FN1: variants seen among roughly 807,000 people sequenced by gnomAD.
The protein encoded by FN1 is fibronectin 1.
Under a neutral mutation model 297.3 loss-of-function variants are expected in FN1, and 106 were observed. The ratio of observed to expected loss-of-function variants is 0.36; its 90% CI spans 0.30 to 0.42. The LOEUF is 0.42. Among genes scored for constraint, FN1 ranks in the 10% least tolerant of loss-of-function variants. The pLI, the probability that FN1 is intolerant of heterozygous loss-of-function variation, is 1.00. For synonymous variants in FN1, 1,149 were observed against 1,152.6 expected, an observed-to-expected ratio of 1.00 and a Z score of 0.06; for missense variants, 2,690 against 3,124.9, an observed-to-expected ratio of 0.86 and a Z score of 3.32.
chr2:215,413,268 G>GC (rs1426566175), intron 13 of FN1, among the ~76,000 whole-genome samples: 13 of 152,056 alleles, frequency 8.5e-5, no homozygotes, highest in Non-Finnish European at 1.9e-4. Context: ...ACAGGCGTGC[G>GC]CCCCCAAGCC....
At chr2:215,394,134 T>C (rs2060029175) in intron 24 of FN1, among the ~76,000 whole-genome samples, 2 of 152,208 alleles carry the variant, frequency 1.3e-5, no homozygotes, top group South Asian at 2.1e-4. Flanking sequence ...CTGTTGGAAA[T>C]TGATATGGAT....
chr2:215,397,060 A>G, intron 23 of FN1, 77 bp downstream of exon 23: 1 of 957,906 alleles, frequency 1.0e-6, no homozygotes, highest in Non-Finnish European at 1.7e-6. Context: ...TCTTTCTCTG[A>G]AAGAAACACA....
chr2:215,361,362 T>C lies in FN1; in HGVS notation c.*193A>G. 2 of 646,094 alleles carry C rather than the reference T, an allele frequency of 3.1e-6. No homozygotes were observed. 40.0% of individuals were successfully genotyped at this position (646,094 alleles called of 1,614,324 possible). A position where few individuals can be genotyped will look rare whatever the true frequency, so the allele number is the denominator to read the frequency against. On this transcript the variant is annotated 3_prime_UTR_variant, in exon 46 of 46. Coordinates refer to ENST00000354785, the MANE Select transcript of FN1 (RefSeq NM_212482.4). ...ACAGGCAATGTGCAGCCCTCATTTA[T>C]GAGAAAACCCTCAGGAAACTCCCAG...
chr2:215,382,516 T>C (rs2058353912), intron 31 of FN1, among the ~76,000 whole-genome samples, 191 bp from the exon 32 acceptor site: 1 of 152,176 alleles, frequency 6.6e-6, no homozygotes, highest in Non-Finnish European at 1.5e-5. Context: ...CAAATTACCA[T>C]ATGGGAGTGA....
chr2:215,420,146 C>A (rs920208404), intron 11 of FN1, among the ~76,000 whole-genome samples: 1 of 152,108 alleles, frequency 6.6e-6, no homozygotes, highest in Non-Finnish European at 1.5e-5. Context: ...TTGAGACCAG[C>A]CTGACCCACA....
intron 42 of FN1, 103 bp from the exon 43 acceptor site, chr2:215,365,733 T>A: frequency 9.8e-7 from 1 of 1,016,734 alleles, no homozygotes; most frequent in Admixed American, 2.0e-5. Context: ...AGAACCATGA[T>A]CTGGAAAAAT....
intron 34 of FN1, 70 bp from the exon 35 acceptor site, chr2:215,378,332 A>T: frequency 1.2e-6 from 1 of 805,028 alleles, no homozygotes; most frequent in Non-Finnish European, 2.2e-6. Context: ...TCACTACAGC[A>T]TTAGGTAAAT....
rs1385094548 is a variant in FN1 at position 215,407,189 on chromosome 2, T to C, written c.2651A>G (p.Glu884Gly). ...VQYNITIYAV[E>G]ENQESTPVVI... ...AACAGGTGTACTTTCTTGATTTTCT[T>C]CCACAGCATAGATAGTGATGTTATA... is the stretch of plus-strand genomic sequence containing the variant. The change falls in exon 18 of 46, where the codon GAA becomes GGA. Residue 884 changes from glutamate (E) to glycine (G), a missense_variant. Glu to Gly is a moderately conservative substitution (Grantham distance 98, BLOSUM62 -2). Around this residue, in one of 3 missense-constraint regions of FN1, gnomAD observed 71 missense variants for 121.7 expected, o/e 0.58. Coordinates refer to ENST00000354785, the MANE Select transcript of FN1 (RefSeq NM_212482.4). 1 of 1,614,114 alleles carries C rather than the reference T, an allele frequency of 6.2e-7. No homozygotes were observed. The highest frequency in any genetic ancestry group is 8.5e-7 in the Non-Finnish European group (1 of 1,179,956).
At chr2:215,364,676 G>A in intron 44 of FN1, 1 of 609,352 alleles carries the variant, frequency 1.6e-6, no homozygotes, top group African/African-American at 1.8e-5. Flanking sequence ...TTTCTACTAA[G>A]AGTAATAGAA....
intron 13 of FN1, among the ~76,000 whole-genome samples, chr2:215,412,743 A>C (rs2062836039): frequency 7.3e-6 from 1 of 136,744 alleles, no homozygotes; most frequent in Non-Finnish European, 1.6e-5. Context: ...TGTAATTTAA[A>C]GTATTATATT....
At chr2:215,413,262 G>A (rs28464508) in intron 13 of FN1, among the ~76,000 whole-genome samples, 27 of 152,132 alleles carry the variant, frequency 1.8e-4, no homozygotes, top group African/African-American at 6.5e-4. Flanking sequence ...GGGACTACAG[G>A]CGTGCGCCCC....
rs892164629 is a variant in FN1 at position 215,435,586 on chromosome 2, C to A, written c.148+69G>T. ...CACACGCGCGCGCACAAAACTTCAG[C>A]CCCAACTTTGGTCGGCTTTAGGGTC... is the stretch of plus-strand genomic sequence containing the variant. On this transcript the variant is annotated intron_variant, in intron 1 of 45. Coordinates refer to ENST00000354785, the MANE Select transcript of FN1 (RefSeq NM_212482.4). 1.9e-6 allele frequency: 3 copies of A among 1,602,438 alleles called. No homozygotes were observed. In the African/African-American group the frequency reaches 4.0e-5, roughly 21 times the overall value.
chr2:215,386,712 A>G lies in FN1; in HGVS notation c.4589T>C (p.Leu1530Ser), dbSNP rs773249890. 6.2e-7 allele frequency: 1 copy of G among 1,613,740 alleles called. No homozygotes were observed. The highest frequency in any genetic ancestry group is 1.3e-5 in the African/African-American group (1 of 74,878). Residue 1530 changes from leucine to serine, a missense_variant, in exon 28 of 46, where the codon TTA becomes TCA. Around this residue, in one of 3 missense-constraint regions of FN1, gnomAD observed 1,743 missense variants for 1,945.2 expected, o/e 0.90. Transcript: ENST00000354785. ...VALNGREESPLLIGQQSTVSD... is the reference protein window; with the variant it reads ...VALNGREESPSLIGQQSTVSD... Reference sequence around the variant, plus strand: ...ACCTGTTGATTGTTGGCCAATCAATAAGGGACTTTCCTCTCTGCCATTAAG... The same window carrying G: ...ACCTGTTGATTGTTGGCCAATCAATGAGGGACTTTCCTCTCTGCCATTAAG...
At chr2:215,402,660 C>T (rs1433960033) in intron 20 of FN1, among the ~76,000 whole-genome samples, 1 of 152,144 alleles carries the variant, frequency 6.6e-6, no homozygotes, top group African/African-American at 2.4e-5. Context: ...ATATAAGCTT[C>T]ATTTAGCTGT....
At position 215,372,275 on chromosome 2, in the gene FN1, G is replaced by A; in HGVS notation, c.6348C>T (p.His2116=). The A allele has an allele frequency of 6.2e-7, 1 of 1,614,152 alleles. No homozygotes were observed. The highest frequency in any genetic ancestry group is 8.5e-7 in the Non-Finnish European group (1 of 1,179,976). The part of the protein sequence containing the change: ...STVQKTPFVT[H]PGYDTGNGIQ... ...TACCATTTCCAGTGTCATACCCAGGGTGGGTGACGAAAGGGGTCTTTTGAA... is the reference window on the plus strand; with the variant it reads ...TACCATTTCCAGTGTCATACCCAGGATGGGTGACGAAAGGGGTCTTTTGAA... The change falls in exon 40 of 46, where the codon CAC becomes CAT. Residue 2116 remains histidine, a synonymous_variant. Coordinates refer to ENST00000354785, the MANE Select transcript of FN1 (RefSeq NM_212482.4).
intron 12 of FN1, among the ~76,000 whole-genome samples, chr2:215,419,040 T>C (rs188839739): frequency 2.0e-5 from 3 of 152,358 alleles, no homozygotes; most frequent in Admixed American, 2.0e-4. Context: ...CACATTTTCA[T>C]AGCCTTCTCT....
chr2:215,428,807 C>A (rs1313598860), intron 5 of FN1, among the ~76,000 whole-genome samples: 2 of 152,074 alleles, frequency 1.3e-5, no homozygotes, highest in Non-Finnish European at 2.9e-5. Flanking sequence ...GTCAGGAGTT[C>A]AAGACCAGCC....
At chr2:215,401,325 A>T (rs972082068) in intron 20 of FN1, among the ~76,000 whole-genome samples, 1 of 150,786 alleles carries the variant, frequency 6.6e-6, no homozygotes, top group African/African-American at 2.4e-5. Flanking sequence ...AGGAAAGAGA[A>T]AGAAAGAAAG....
chr2:215,373,018 G>T (rs192183509), intron 39 of FN1, among the ~76,000 whole-genome samples: 32 of 151,914 alleles, frequency 2.1e-4, no homozygotes, highest in African/African-American at 2.4e-5. Context: ...TCAACAGAAG[G>T]TATAAAAGAA....
Sources: allele counts gnomAD v4.1 joint callset (sites outside exome capture counted in the v4.1 genomes callset), GRCh38; gene constraint gnomAD v4.1.1; regional missense constraint gnomAD v4.1.1; transcripts MANE v1.5; gene names NCBI Gene and HGNC (gene_info 2026-07-23, HGNC 2026-07-21).